PSMA7: variants seen among roughly 807,000 people sequenced by gnomAD.
PSMA7 encodes proteasome 20S subunit alpha 7, also known as proteasome subunit alpha type-7.
A neutral mutation model predicts 31.3 loss-of-function variants in PSMA7; 5 were observed. That is an observed-to-expected ratio of 0.16 (90% confidence interval 0.08 to 0.34). PSMA7 has a LOEUF of 0.34. PSMA7 is among the 10% of genes least tolerant of loss of function. The probability of loss-of-function intolerance (pLI) is 1.00; values close to 1 mark genes in which losing one functional copy is unlikely to be tolerated. For synonymous variants in PSMA7, 155 were observed against 121.9 expected (o/e 1.27, Z -1.79); for missense variants, 217 against 327.5 (o/e 0.66, Z 2.60).
intron 4 of PSMA7, among the ~76,000 whole-genome samples, chr20:62,138,773 G>C (rs2056910140): frequency 6.6e-6 from 1 of 152,016 alleles, no homozygotes. Flanking sequence ...GGCCAGGCTG[G>C]TCTCGAACAC....
chr20:62,139,710 C>T, intron 3 of PSMA7, 71 bp downstream of exon 3: 2 of 1,611,170 alleles, frequency 1.2e-6, no homozygotes, highest in Non-Finnish European at 8.5e-7. Flanking sequence ...AGTGACATGG[C>T]AGGACCCTCC....
chr20:62,139,838 A>T lies in PSMA7; in HGVS notation c.291T>A (p.Thr97=), dbSNP rs1600967696. ...ACTCCACAGTGACCGGGTCCTCCAC[A>T]GTCAGCCGGTGGCTCTGGCACTCCA... The part of the protein sequence containing the change: ...ARVECQSHRL[T]VEDPVTVEYI... The change falls in exon 3 of 7, where the codon ACT becomes ACA. Residue 97 remains threonine (T), a synonymous_variant. Coordinates refer to ENST00000370873, the MANE Select transcript of PSMA7 (RefSeq NM_002792.4). 1 of 1,614,110 alleles carries T rather than the reference A, an allele frequency of 6.2e-7. No homozygotes were observed. Among genetic ancestry groups the T allele is most frequent in the Non-Finnish European group, 8.5e-7 (1 of 1,180,038 alleles).
intron 1 of PSMA7, 25 bp from the exon 2 acceptor site, chr20:62,140,969 G>A (rs376193817): frequency 1.7e-5 from 27 of 1,613,070 alleles, no homozygotes; most frequent in African/African-American, 2.7e-5. Flanking sequence ...CACAAACCAC[G>A]TAAGAAAGTG....
chr20:62,139,291 A>G (rs2056913317), intron 3 of PSMA7, 94 bp from the exon 4 acceptor site: 4 of 1,458,522 alleles, frequency 2.7e-6, no homozygotes, highest in Non-Finnish European at 3.7e-6. Context: ...ATTTTAAACC[A>G]TGCCTGAGCC....
rs762832122 is a variant in PSMA7, at chr20:62,139,210, G to GA, written c.349-14dup. The GA allele has an allele frequency of 1.2e-6, 2 of 1,612,404 alleles. No individual in the cohort carries two copies. Among genetic ancestry groups the GA allele is most frequent in the Admixed American group, 3.3e-5 (2 of 59,730 alleles). Reference sequence around the variant, plus strand: ...TCTGCGTATAACGCTAGCAAGAAAAGAAACAGGTCAGTGCCATCCAATTAA... The same window carrying GA: ...TCTGCGTATAACGCTAGCAAGAAAAGAAAACAGGTCAGTGCCATCCAATTAA... On this transcript the variant is annotated splice_polypyrimidine_tract_variant and intron_variant, in intron 3 of 6. Transcript: ENST00000370873.
Position 62,140,977 on chromosome 20 carries a change from G to A in PSMA7, c.97-33C>T, listed in dbSNP as rs546323304. 5.0e-6 allele frequency: 8 copies of A among 1,612,346 alleles called. No homozygotes were observed. In the African/African-American group the frequency reaches 1.1e-4, roughly 21 times the overall value. ...TAAGATCCACAAACCACGTAAGAAAGTGATATGAGTGCTGGGTGCAGTGGC... is the reference window on the plus strand; with the variant it reads ...TAAGATCCACAAACCACGTAAGAAAATGATATGAGTGCTGGGTGCAGTGGC... On this transcript the variant is annotated intron_variant, in intron 1 of 6. Coordinates refer to ENST00000370873, the MANE Select transcript of PSMA7 (RefSeq NM_002792.4).
At position 62,142,287 on chromosome 20, in the gene PSMA7, G is replaced by A. The variant is rs1456940682; in HGVS notation, c.96+921C>T. Among the ~76,000 whole-genome samples the A allele has an allele frequency of 5.3e-5, 8 of 152,206 alleles. No homozygotes were observed. In the East Asian group the frequency reaches 1.4e-3, roughly 26 times the overall value. ...GTGGCAGTATTGGGGTGGGTACAGG[G>A]GTCAGCCGACTCCTAGTCCTCTTTA... On this transcript the variant is annotated intron_variant, in intron 1 of 6. Transcript: ENST00000370873.
intron 1 of PSMA7, among the ~76,000 whole-genome samples, chr20:62,141,944 A>T (rs531291858): frequency 6.6e-6 from 1 of 152,384 alleles, no homozygotes; most frequent in Admixed American, 6.5e-5. Flanking sequence ...TCTCCAGCTC[A>T]GCACTGTGAG....
chr20:62,141,270 C>G (rs1479440205), intron 1 of PSMA7, among the ~76,000 whole-genome samples: 1 of 152,190 alleles, frequency 6.6e-6, no homozygotes, highest in East Asian at 1.9e-4. Context: ...CCACCCTATC[C>G]TCCCAAAAAA....
At chr20:62,138,345 G>A in intron 4 of PSMA7, 55 bp from the exon 5 acceptor site, 1 of 1,541,184 alleles carries the variant, frequency 6.5e-7, no homozygotes, top group Non-Finnish European at 8.7e-7. Context: ...CCCAGGGCCA[G>A]CCCTGGAACA....
At position 62,137,011 on chromosome 20, in the gene PSMA7, T is replaced by C. The variant is rs531469678; in HGVS notation, c.655-62A>G. 68 of 1,571,514 alleles carry C rather than the reference T, an allele frequency of 4.3e-5. No individual in the cohort carries two copies. In the East Asian group the frequency reaches 1.5e-3, roughly 34 times the overall value. Reference sequence around the variant, plus strand: ...AAGGTGCCAAGGAACCAGCGCCCTCTTCTGGGGAGGGCGGCCAGGCTTTGG... The same window carrying C: ...AAGGTGCCAAGGAACCAGCGCCCTCCTCTGGGGAGGGCGGCCAGGCTTTGG... On this transcript the variant is annotated intron_variant, in intron 6 of 6. Transcript: ENST00000370873.
chr20:62,141,338 C>A (rs1042280736), intron 1 of PSMA7, among the ~76,000 whole-genome samples: 10 of 152,322 alleles, frequency 6.6e-5, no homozygotes, highest in African/African-American at 2.4e-4. Context: ...GAACCTGGGT[C>A]CTGGGGGGTA....
At chr20:62,139,965 A>T in intron 2 of PSMA7, 60 bp from the exon 3 acceptor site, 1 of 1,575,978 alleles carries the variant, frequency 6.3e-7, no homozygotes, top group Non-Finnish European at 8.6e-7. Context: ...GGGTGGGGAC[A>T]GACACGATGA....
intron 1 of PSMA7, among the ~76,000 whole-genome samples, chr20:62,141,829 T>G (rs1480874955): frequency 6.6e-6 from 1 of 152,252 alleles, no homozygotes; most frequent in African/African-American, 2.4e-5. Flanking sequence ...AGGATATGGC[T>G]GTTATTAAAA....
chr20:62,137,112 A>G (rs2056899218), intron 6 of PSMA7, among the ~76,000 whole-genome samples, 163 bp from the exon 7 acceptor site: 1 of 84,362 alleles, frequency 1.2e-5, no homozygotes, highest in African/African-American at 2.7e-5. Context: ...CTAGACAAGT[A>G]TTAAGCAGCA....
At position 62,137,115 on chromosome 20, in the gene PSMA7, A is replaced by AAGCAGC. The variant is rs574667240; in HGVS notation, c.655-172_655-167dup. On this transcript the variant is annotated intron_variant, in intron 6 of 6. Transcript: ENST00000370873. ...TGCTGGCCTGACCTAGACAAGTATT[A>AAGCAGC]AGCAGCAGTAGCAGCAGCAGCAGAT... Among the ~76,000 whole-genome samples the AAGCAGC allele has an allele frequency of 1.7e-3, 138 of 79,524 alleles. 1 individual carries two copies. Among genetic ancestry groups the AAGCAGC allele is most frequent in the African/African-American group, 3.5e-3 (131 of 37,380 alleles). The allele number at this position is 79,524 out of a possible 152,430, so 52.2% of individuals were successfully genotyped here.
At chr20:62,138,875 T>A (rs893690699) in intron 4 of PSMA7, among the ~76,000 whole-genome samples, 200 bp downstream of exon 4, 4 of 152,200 alleles carry the variant, frequency 2.6e-5, no homozygotes, top group Non-Finnish European at 5.9e-5. Flanking sequence ...TTAATTTATG[T>A]GGACTACGCT....
At chr20:62,143,180 C>CGG in intron 1 of PSMA7, 28 bp downstream of exon 1, 5 of 1,341,098 alleles carry the variant, frequency 3.7e-6, no homozygotes, top group Non-Finnish European at 4.8e-6. Context: ...CCCGCGTCCC[C>CGG]GGCCCCGCGC....
Position 62,137,348 on chromosome 20 carries a change from C to A in PSMA7, c.654+16G>T, listed in dbSNP as rs1295056531. Reference sequence around the variant, plus strand: ...AAAACTGACAGGTAAAGAAAGCAGACAAACTTGGTGATTACCTTGAGGGAT... The same window carrying A: ...AAAACTGACAGGTAAAGAAAGCAGAAAAACTTGGTGATTACCTTGAGGGAT... On this transcript the variant is annotated intron_variant, in intron 6 of 6. Transcript: ENST00000370873. The A allele has an allele frequency of 6.2e-7, 1 of 1,613,566 alleles. No individual in the cohort carries two copies. The highest frequency in any genetic ancestry group is 1.3e-5 in the African/African-American group (1 of 74,908).
Sources: gnomAD v4.1 joint callset for allele counts (sites outside exome capture counted in the v4.1 genomes callset) on GRCh38, gnomAD v4.1.1 for gene constraint, MANE v1.5 for transcripts, NCBI Gene and HGNC (gene_info 2026-07-23, HGNC 2026-07-21) for gene names.